FRMD5: variants seen among roughly 807,000 people sequenced by gnomAD.
FRMD5 encodes FERM domain containing 5.
FRMD5 carries 20 observed loss-of-function variants against 69.0 expected under a neutral mutation model. The ratio of observed to expected loss-of-function variants is 0.29; its 90% CI spans 0.20 to 0.42. The LOEUF is 0.42. Among genes scored for constraint, FRMD5 ranks in the 10% least tolerant of loss-of-function variants. The pLI, the probability that FRMD5 is intolerant of heterozygous loss-of-function variation, is 1.00. For missense variants in FRMD5, 595 were observed against 708.6 expected (o/e 0.84, Z 1.82); for synonymous variants, 271 against 260.1 (o/e 1.04, Z -0.40).
In FRMD5 at chr15:43,903,182, G is replaced by A. The variant is rs573639902; in HGVS notation, c.552-920C>T. Among the ~76,000 whole-genome samples the A allele has an allele frequency of 6.6e-5, 10 of 152,348 alleles. 1 individual carries two copies. In the South Asian group the frequency reaches 1.9e-3, roughly 28 times the overall value. On this transcript the variant is annotated intron_variant, in intron 6 of 13. Coordinates refer to ENST00000417257, the MANE Select transcript of FRMD5 (RefSeq NM_032892.5). ...ACCATCAGGCTCTTGCCTGGGTCCAGAGCCCTGCAAAGCAGATATACTTCT... is the reference window on the plus strand; with the variant it reads ...ACCATCAGGCTCTTGCCTGGGTCCAAAGCCCTGCAAAGCAGATATACTTCT...
At chr15:43,891,883 A>G in intron 8 of FRMD5, 98 bp downstream of exon 8, 1 of 978,504 alleles carries the variant, frequency 1.0e-6, no homozygotes, top group Admixed American at 1.8e-5. Context: ...AGGGCTCTGA[A>G]CCAGAACTGC....
At chr15:44,015,406 T>C (rs1410695567) in intron 1 of FRMD5, among the ~76,000 whole-genome samples, 1 of 152,152 alleles carries the variant, frequency 6.6e-6, no homozygotes, top group East Asian at 1.9e-4. Context: ...CCTCCCAAAG[T>C]GCTGGAATTA....
chr15:44,007,978 G>A (rs1223284447), intron 1 of FRMD5, among the ~76,000 whole-genome samples: 3 of 151,910 alleles, frequency 2.0e-5, no homozygotes, highest in African/African-American at 7.2e-5. Context: ...GTCTTGCTCT[G>A]TTGTTGTGGC....
At chr15:43,996,715 A>ATTTTTTTTTTTTTTTTTT (rs11397296) in intron 1 of FRMD5, among the ~76,000 whole-genome samples, 10 of 86,030 alleles carry the variant, frequency 1.2e-4, no homozygotes, top group Admixed American at 1.9e-4. Flanking sequence ...TCCTCAGCTG[A>ATTTTTTTTTTTTTTTTTT]TTTTTTTTTT....
intron 1 of FRMD5, among the ~76,000 whole-genome samples, chr15:43,960,751 C>T (rs1161772968): frequency 6.6e-5 from 10 of 152,136 alleles, no homozygotes; most frequent in Non-Finnish European, 1.2e-4. Context: ...AGGTCTGTTT[C>T]GCAATCAGTA....
At chr15:43,967,557 T>C (rs572615144) in intron 1 of FRMD5, among the ~76,000 whole-genome samples, 3 of 152,292 alleles carry the variant, frequency 2.0e-5, no homozygotes, top group African/African-American at 7.2e-5. Flanking sequence ...AATTCATTTA[T>C]CTGCATAACA....
chr15:44,105,374 G>A (rs1279968339), intron 1 of FRMD5, among the ~76,000 whole-genome samples: 1 of 152,136 alleles, frequency 6.6e-6, no homozygotes, highest in Non-Finnish European at 1.5e-5. Context: ...ACTGTGCCCA[G>A]CTCAAATTAT....
chr15:44,053,431 T>A (rs1892748049), intron 1 of FRMD5, among the ~76,000 whole-genome samples: 1 of 152,108 alleles, frequency 6.6e-6, no homozygotes. Flanking sequence ...AGAATGAATA[T>A]GAGTGGGTGA....
chr15:43,917,790 C>T (rs1402676359), intron 4 of FRMD5: 3 of 152,386 alleles, frequency 2.0e-5, no homozygotes, highest in African/African-American at 7.2e-5. Context: ...AGAGCCACCT[C>T]CACTTCCACA....
Position 43,871,132 on chromosome 15 carries a change from A to G in FRMD5, c.*2753T>C, listed in dbSNP as rs2088150230. Reference sequence around the variant, plus strand: ...CAGGTTAAAAACTTGAACAATTTTTAAAGGTGGAGATATACCAAAAAAGAC... The same window carrying G: ...CAGGTTAAAAACTTGAACAATTTTTGAAGGTGGAGATATACCAAAAAAGAC... On this transcript the variant is annotated 3_prime_UTR_variant, in exon 14 of 14. Coordinates refer to ENST00000417257, the MANE Select transcript of FRMD5 (RefSeq NM_032892.5). 6.6e-6 allele frequency: 1 copy of G among 152,232 alleles called. No individual in the cohort carries two copies. The highest frequency in any genetic ancestry group is 1.5e-5 in the Non-Finnish European group (1 of 68,024). The allele number at this position is 152,232 out of a possible 1,614,324, so 9.4% of individuals were successfully genotyped here. A position where few individuals can be genotyped will look rare whatever the true frequency, so the allele number is the denominator to read the frequency against.
intron 4 of FRMD5, among the ~76,000 whole-genome samples, chr15:43,916,562 C>T (rs564002117): frequency 6.6e-6 from 1 of 152,170 alleles, no homozygotes; most frequent in South Asian, 2.1e-4. Context: ...ATCTTCCCGA[C>T]AATTCTATGA....
intron 1 of FRMD5, among the ~76,000 whole-genome samples, chr15:44,115,926 G>C (rs1447121937): frequency 6.6e-6 from 1 of 152,180 alleles, no homozygotes; most frequent in Non-Finnish European, 1.5e-5. Context: ...AACAAGGCAG[G>C]TCCTTTCTTT....
intron 1 of FRMD5, among the ~76,000 whole-genome samples, chr15:44,052,385 T>C (rs1166419936): frequency 6.6e-6 from 1 of 152,156 alleles, no homozygotes; most frequent in Non-Finnish European, 1.5e-5. Context: ...TTCAGGCCTA[T>C]ATTGTATATT....
intron 1 of FRMD5, among the ~76,000 whole-genome samples, chr15:44,150,426 G>GAA (rs1309016860): frequency 4.8e-5 from 6 of 125,028 alleles, no homozygotes; most frequent in Admixed American, 8.0e-5. Flanking sequence ...CCATCAAAAA[G>GAA]AAAAAAAAAA....
At chr15:43,913,727 T>C (rs1295671360) in intron 4 of FRMD5, among the ~76,000 whole-genome samples, 1 of 152,198 alleles carries the variant, frequency 6.6e-6, no homozygotes, top group East Asian at 1.9e-4. Context: ...CCTCAGAACA[T>C]TTCATAGCCA....
At chr15:43,936,136 T>A (rs2089756947) in intron 1 of FRMD5, among the ~76,000 whole-genome samples, 2 of 152,190 alleles carry the variant, frequency 1.3e-5, no homozygotes, top group African/African-American at 4.8e-5. Flanking sequence ...GTGTTTGCAT[T>A]CATGGTTCAC....
intron 5 of FRMD5, among the ~76,000 whole-genome samples, chr15:43,907,313 T>A (rs1453988627): frequency 1.3e-5 from 2 of 152,238 alleles, no homozygotes; most frequent in East Asian, 3.8e-4. Flanking sequence ...CCAAATTACT[T>A]GGGAACTTCT....
chr15:43,910,381 G>A (rs1379659457), intron 4 of FRMD5, among the ~76,000 whole-genome samples: 1 of 152,050 alleles, frequency 6.6e-6, no homozygotes, highest in Non-Finnish European at 1.5e-5. Flanking sequence ...TCCTTCTTAA[G>A]TAGAATGGTG....
intron 1 of FRMD5, 33 bp from the exon 2 acceptor site, chr15:43,924,342 G>T: frequency 6.7e-7 from 1 of 1,498,740 alleles, no homozygotes; most frequent in Non-Finnish European, 9.2e-7. Flanking sequence ...TGAGAAATGA[G>T]TGGGTTTCTT....
Sources: allele counts gnomAD v4.1 joint callset (sites outside exome capture counted in the v4.1 genomes callset), GRCh38; gene constraint gnomAD v4.1.1; transcripts MANE v1.5; gene names NCBI Gene and HGNC (gene_info 2026-07-23, HGNC 2026-07-21).